FAAP100: variants seen among roughly 807,000 people sequenced by gnomAD.
The protein encoded by FAAP100 is FA core complex associated protein 100.
A neutral mutation model predicts 65.8 loss-of-function variants in FAAP100; 46 were observed. That is an observed-to-expected ratio of 0.70 (90% CI 0.55 to 0.89). The LOEUF (loss-of-function observed/expected upper bound fraction) is 0.89. FAAP100 is among the 40% of genes least tolerant of loss of function. The probability of loss-of-function intolerance (pLI) is 0.00; values close to 1 mark genes in which losing one functional copy is unlikely to be tolerated. For missense variants in FAAP100, 1,165 were observed against 1,196.7 expected, an observed-to-expected ratio of 0.97 and a Z score of 0.39; for synonymous variants, 663 against 555.1, an observed-to-expected ratio of 1.19 and a Z score of -2.73.
rs370187959 is a variant in FAAP100 at position 81,549,268 on chromosome 17, G to C, written c.1341C>G (p.Thr447=). The change falls in exon 4 of 9, where the codon ACC becomes ACG. Residue 447 remains threonine (T), a synonymous_variant. Transcript: ENST00000327787. ...TTATTTTCTGACCTGCACTCTCTGT[G>C]GTCATCCTGGCTGGGCCAGGCATCT... ...DSEMPGPARM[T]TESAGQKIKE... 6.2e-7 allele frequency: 1 copy of C among 1,613,088 alleles called. No individual in the cohort carries two copies. The highest frequency in any genetic ancestry group is 1.3e-5 in the African/African-American group (1 of 74,916).
upstream of FAAP100, among the ~76,000 whole-genome samples, chr17:81,552,664 G>A (rs900951743): frequency 1.9e-4 from 29 of 152,228 alleles, no homozygotes; most frequent in Admixed American, 2.6e-4. Flanking sequence ...GCCGAGCAGA[G>A]GTTGCTCTTG....
chr17:81,540,048 G>C lies in FAAP100; in HGVS notation c.*771C>G, dbSNP rs1209929715. 2.5e-6 allele frequency: 1 copy of C among 394,398 alleles called. No individual in the cohort carries two copies. The highest frequency in any genetic ancestry group is 4.4e-6 in the Non-Finnish European group (1 of 224,900). The allele number at this position is 394,398 out of a possible 1,614,324, so 24.4% of individuals were successfully genotyped here. A position where few individuals can be genotyped will look rare whatever the true frequency, so the allele number is the denominator to read the frequency against. On this transcript the variant is annotated 3_prime_UTR_variant, in exon 9 of 9. Coordinates refer to ENST00000327787, the MANE Select transcript of FAAP100 (RefSeq NM_025161.6). ...GTGGGCCGTAGCCCAGGCTGAGGGAGGAGGCTGGGGGCTGGGGCTCAGGGC... is the reference window on the plus strand; with the variant it reads ...GTGGGCCGTAGCCCAGGCTGAGGGACGAGGCTGGGGGCTGGGGCTCAGGGC...
Position 81,550,990 on chromosome 17 carries a change from G to C in FAAP100, c.504C>G (p.Gly168=). 1 of 1,611,746 alleles carries C rather than the reference G, an allele frequency of 6.2e-7. No individual in the cohort carries two copies. The highest frequency in any genetic ancestry group is 1.1e-5 in the South Asian group (1 of 90,846). ...PCPGEDPRPG[G]QIGEVELSSY... is the part of the protein sequence containing the mutation. Reference sequence around the variant, plus strand: ...AGGACAGCTCCACCTCACCGATCTGGCCTCCTGGCCGGGGGTCCTCCCCAG... The same window carrying C: ...AGGACAGCTCCACCTCACCGATCTGCCCTCCTGGCCGGGGGTCCTCCCCAG... The change falls in exon 3 of 9, where the codon GGC becomes GGG. Residue 168 remains glycine, a synonymous_variant. Coordinates refer to ENST00000327787, the MANE Select transcript of FAAP100 (RefSeq NM_025161.6).
Position 81,540,267 on chromosome 17 carries a change from G to C in FAAP100, c.*552C>G, listed in dbSNP as rs371937126. 1.0e-5 allele frequency: 4 copies of C among 399,048 alleles called. No homozygotes were observed. The highest frequency in any genetic ancestry group is 1.8e-5 in the Non-Finnish European group (4 of 226,230). The allele number at this position is 399,048 out of a possible 1,614,324, so 24.7% of individuals were successfully genotyped here. The stretch of plus-strand genomic sequence containing the variant: ...TGCTGTTTTGTGCTTTGGTCTCAGG[G>C]AGCACCCTCCTACCTCGGGGTCCCA... On this transcript the variant is annotated 3_prime_UTR_variant, in exon 9 of 9. Transcript: ENST00000327787.
At position 81,540,498 on chromosome 17, in the gene FAAP100, C is replaced by T. The variant is rs975031020; in HGVS notation, c.*321G>A. 1.9e-5 allele frequency: 8 copies of T among 412,342 alleles called. No individual in the cohort carries two copies. The highest frequency in any genetic ancestry group is 4.0e-5 in the Admixed American group (1 of 24,740). The allele number at this position is 412,342 out of a possible 1,614,324, so 25.5% of individuals were successfully genotyped here. The stretch of plus-strand genomic sequence containing the variant: ...TGCCTCCTGGCCTCAGGGGCTGCTG[C>T]GGTGGTGGGAAGGCTGCCCAGCAGT... On this transcript the variant is annotated 3_prime_UTR_variant, in exon 9 of 9. Transcript: ENST00000327787.
chr17:81,542,221 AT>A (rs2033141019), intron 7 of FAAP100, among the ~76,000 whole-genome samples: 1 of 107,696 alleles, frequency 9.3e-6, no homozygotes, highest in African/African-American at 4.3e-5. Flanking sequence ...ATATATATAT[AT>A]ATATATATAT....
chr17:81,551,879 C>T, intron 2 of FAAP100, 49 bp downstream of exon 2: 1 of 1,500,808 alleles, frequency 6.7e-7, no homozygotes, highest in African/African-American at 1.4e-5. Flanking sequence ...CTGAAGCAGT[C>T]CGGGGGCAGC....
Position 81,540,710 on chromosome 17 carries a change from C to T in FAAP100, c.*109G>A. 7.4e-7 allele frequency: 1 copy of T among 1,355,270 alleles called. No homozygotes were observed. Among genetic ancestry groups the T allele is most frequent in the Non-Finnish European group, 9.6e-7 (1 of 1,039,398 alleles). 84.0% of individuals were successfully genotyped at this position (1,355,270 alleles called of 1,614,324 possible). On this transcript the variant is annotated 3_prime_UTR_variant, in exon 9 of 9. Transcript: ENST00000327787. ...TCCTACGTGGCCAGGTCCTACCTTC[C>T]CTGACGGCTCTGGCCAGGCCAGCTC...
At chr17:81,546,578 G>A (rs2033309698) in intron 5 of FAAP100, 2 of 299,126 alleles carry the variant, frequency 6.7e-6, no homozygotes, top group African/African-American at 2.2e-5. Flanking sequence ...TCCACATAAG[G>A]CCAGAGCCCA....
Position 81,550,909 on chromosome 17 carries a change from TGGAA to T in FAAP100, c.581_584del (p.Leu194GlnfsTer59). 6.2e-7 allele frequency: 1 copy of T among 1,612,526 alleles called. No individual in the cohort carries two copies. Among genetic ancestry groups the T allele is most frequent in the Non-Finnish European group, 8.5e-7 (1 of 1,179,826 alleles). On this transcript the variant is annotated frameshift_variant, in exon 3 of 9. Coordinates refer to ENST00000327787, the MANE Select transcript of FAAP100 (RefSeq NM_025161.6). LOFTEE classifies it high-confidence loss of function. ...CTGATGGTGACACAGAGCACAGCAC[TGGAA>T]GGAAGTGGGGGGCTGCAGGCTTTCC... is the stretch of plus-strand genomic sequence containing the variant.
chr17:81,547,733 G>T, intron 4 of FAAP100, 55 bp from the exon 5 acceptor site: 1 of 1,578,668 alleles, frequency 6.3e-7, no homozygotes, highest in Non-Finnish European at 8.6e-7. Context: ...AGCACCAGGT[G>T]CCACATCTTG....
rs377147677 is a variant in FAAP100 at position 81,544,022 on chromosome 17, G to A, written c.2409C>T (p.Ala803=). Residue 803 remains alanine, a synonymous_variant, in exon 7 of 9, where the codon GCC becomes GCT. Coordinates refer to ENST00000327787, the MANE Select transcript of FAAP100 (RefSeq NM_025161.6). ...SLADICRAHH[A]VVGRMQTMVT... The stretch of plus-strand genomic sequence containing the variant: ...GACATACCTGCATGCGCCCGACAAC[G>A]GCATGGTGCGCCCTGCAAATGTCGG... 3.5e-5 allele frequency: 57 copies of A among 1,612,324 alleles called. No homozygotes were observed. The African/African-American group carries it at 4.3e-4, about 12-fold the overall frequency.
Position 81,540,619 on chromosome 17 carries a change from CG to C in FAAP100, c.*199del. On this transcript the variant is annotated 3_prime_UTR_variant, in exon 9 of 9. Transcript: ENST00000327787. ...GACCGGCCAGGTTCAGAGCCCGCCT[CG>C]GTTGCTCCCAATCAGAATCTGCTTT... is the stretch of plus-strand genomic sequence containing the variant. 1.5e-6 allele frequency: 1 copy of C among 676,798 alleles called. No individual in the cohort carries two copies. Among genetic ancestry groups the C allele is most frequent in the East Asian group, 3.1e-5 (1 of 31,974 alleles). The allele number at this position is 676,798 out of a possible 1,614,324, so 41.9% of individuals were successfully genotyped here. A position where few individuals can be genotyped will look rare whatever the true frequency, so the allele number is the denominator to read the frequency against.
chr17:81,539,934 C>T lies in FAAP100; in HGVS notation c.*885G>A. The T allele has an allele frequency of 5.0e-6, 2 of 398,822 alleles. No individual in the cohort carries two copies. Among genetic ancestry groups the T allele is most frequent in the Non-Finnish European group, 8.8e-6 (2 of 226,132 alleles). The allele number at this position is 398,822 out of a possible 1,614,324, so 24.7% of individuals were successfully genotyped here. Reference sequence around the variant, plus strand: ...CGTTTGTCACAGCAGAGAAGCACCTCACGGCTCCTACCCGCACTCATCGCG... The same window carrying T: ...CGTTTGTCACAGCAGAGAAGCACCTTACGGCTCCTACCCGCACTCATCGCG... On this transcript the variant is annotated 3_prime_UTR_variant, in exon 9 of 9. Coordinates refer to ENST00000327787, the MANE Select transcript of FAAP100 (RefSeq NM_025161.6).
chr17:81,545,265 C>T (rs1383453681), intron 6 of FAAP100, among the ~76,000 whole-genome samples: 2 of 152,260 alleles, frequency 1.3e-5, no homozygotes, highest in South Asian at 2.1e-4. Context: ...ACCCTGCAAG[C>T]GCCTTTGCTG....
At position 81,551,194 on chromosome 17, in the gene FAAP100, G is replaced by T; in HGVS notation, c.300C>A (p.Ser100Arg). The T allele has an allele frequency of 6.6e-7, 1 of 1,521,832 alleles. No homozygotes were observed. The highest frequency in any genetic ancestry group is 8.9e-7 in the Non-Finnish European group (1 of 1,128,044). The allele number at this position is 1,521,832 out of a possible 1,614,324, so 94.3% of individuals were successfully genotyped here. ...LDHPGRSRST[S>R]QDDRDSEDGD... ...CGTCCTCGCTGTCCCTGTCATCCTG[G>T]CTCGTAGACCTTTGAGAACAGGGAC... The change falls in exon 3 of 9, where the codon AGC becomes AGA. Residue 100 changes from serine (S) to arginine (R), a missense_variant. By Grantham distance (110) the Ser-to-Arg change is moderately radical. Transcript: ENST00000327787.
At chr17:81,544,739 G>A (rs2143939988) in intron 6 of FAAP100, among the ~76,000 whole-genome samples, 1 of 152,362 alleles carries the variant, frequency 6.6e-6, no homozygotes, top group East Asian at 1.9e-4. Context: ...AGCCCAGAGA[G>A]GACACAGTCA....
At position 81,544,461 on chromosome 17, in the gene FAAP100, A is replaced by C. The variant is rs377403391; in HGVS notation, c.2311-341T>G. 5.8e-4 allele frequency among the ~76,000 whole-genome samples: 89 copies of C among 152,316 alleles called. 1 individual carries two copies. The South Asian group carries it at 9.5e-3, about 16-fold the overall frequency. On this transcript the variant is annotated intron_variant, in intron 6 of 8. Coordinates refer to ENST00000327787, the MANE Select transcript of FAAP100 (RefSeq NM_025161.6). ...GCCACTACTGTGACACACCTTGTGGACAACCTACATGTAGATCCTGCCACG... is the reference window on the plus strand; with the variant it reads ...GCCACTACTGTGACACACCTTGTGGCCAACCTACATGTAGATCCTGCCACG...
At chr17:81,541,175 T>C (rs1283833172) in intron 8 of FAAP100, 134 bp downstream of exon 8, 1 of 1,160,954 alleles carries the variant, frequency 8.6e-7, no homozygotes, top group Non-Finnish European at 1.2e-6. Context: ...GCTCGGACTT[T>C]GCCCCAGGCC....
Sources: gnomAD v4.1 joint callset for allele counts (sites outside exome capture counted in the v4.1 genomes callset) on GRCh38, gnomAD v4.1.1 for gene constraint, MANE v1.5 for transcripts, NCBI Gene and HGNC (gene_info 2026-07-23, HGNC 2026-07-21) for gene names.